SETBP1: variants seen among roughly 807,000 people sequenced by gnomAD.
SETBP1 encodes SET binding protein 1, also known as SET-binding protein.
SETBP1 carries 9 observed loss-of-function variants against 101.0 expected under a neutral mutation model. The ratio of observed to expected loss-of-function variants is 0.09; its 90% CI spans 0.05 to 0.16. The LOEUF (loss-of-function observed/expected upper bound fraction) is 0.16. Among genes scored for constraint, SETBP1 ranks in the 10% least tolerant of loss-of-function variants. The pLI is 1.00. For synonymous variants in SETBP1, 818 were observed against 788.5 expected (o/e 1.04, Z -0.63); for missense variants, 1,858 against 2,033.8 (o/e 0.91, Z 1.66).
intron 4 of SETBP1, among the ~76,000 whole-genome samples, chr18:45,013,524 C>G (rs935595586): frequency 6.6e-6 from 1 of 152,022 alleles, no homozygotes; most frequent in African/African-American, 2.4e-5. Context: ...ATCGCAACTT[C>G]TGCCTCCCGG....
At chr18:44,806,483 T>C (rs1253899293) in intron 2 of SETBP1, among the ~76,000 whole-genome samples, 1 of 152,152 alleles carries the variant, frequency 6.6e-6, no homozygotes. Flanking sequence ...GATATCTATA[T>C]ATTTATGTAC....
chr18:44,798,519 G>A (rs989743646), intron 2 of SETBP1, among the ~76,000 whole-genome samples: 2 of 152,122 alleles, frequency 1.3e-5, no homozygotes, highest in Admixed American at 6.5e-5. Flanking sequence ...TGAGGTATAG[G>A]AAGATACCCA....
chr18:44,692,813 A>G (rs2068956566), intron 1 of SETBP1, among the ~76,000 whole-genome samples: 2 of 152,188 alleles, frequency 1.3e-5, no homozygotes, highest in Non-Finnish European at 2.9e-5. Flanking sequence ...GGCCAGCTAA[A>G]CAGAGGACCT....
intron 2 of SETBP1, among the ~76,000 whole-genome samples, chr18:44,788,002 GTT>G (rs879795599): frequency 2.1e-5 from 3 of 144,696 alleles, no homozygotes; most frequent in Admixed American, 1.4e-4. Flanking sequence ...GTTTATTGGA[GTT>G]TTTTTTTTTT....
intron 2 of SETBP1, among the ~76,000 whole-genome samples, chr18:44,782,921 A>C (rs2071163199): frequency 6.6e-6 from 1 of 152,150 alleles, no homozygotes; most frequent in Admixed American, 6.5e-5. Context: ...TTTCTTAAAA[A>C]TTAATTTTTG....
intron 2 of SETBP1, among the ~76,000 whole-genome samples, chr18:44,762,592 T>C (rs909064564): frequency 1.3e-5 from 2 of 152,138 alleles, no homozygotes; most frequent in Admixed American, 6.5e-5. Flanking sequence ...AAAGGGAAGA[T>C]GTAATTATTT....
intron 4 of SETBP1, among the ~76,000 whole-genome samples, chr18:45,014,522 T>C (rs2072903521): frequency 6.6e-6 from 1 of 152,208 alleles, no homozygotes; most frequent in Admixed American, 6.5e-5. Flanking sequence ...TATGCTGTTG[T>C]TTAACTGGGA....
chr18:44,834,153 C>T (rs572122753), intron 2 of SETBP1, among the ~76,000 whole-genome samples: 5 of 150,992 alleles, frequency 3.3e-5, no homozygotes, highest in Admixed American at 1.3e-4. Context: ...GGTGTGGATC[C>T]GTTGTATATA....
chr18:44,789,691 T>A (rs1477740028), intron 2 of SETBP1, among the ~76,000 whole-genome samples: 2 of 152,236 alleles, frequency 1.3e-5, no homozygotes, highest in Admixed American at 1.3e-4. Flanking sequence ...TTTCTGATGA[T>A]TTTTCTGTCC....
At chr18:44,976,490 G>T (rs1231678571) in intron 4 of SETBP1, among the ~76,000 whole-genome samples, 5 of 152,226 alleles carry the variant, frequency 3.3e-5, no homozygotes, top group African/African-American at 1.2e-4. Flanking sequence ...CATCCGCCCT[G>T]CTGTGCCTAG....
intron 2 of SETBP1, among the ~76,000 whole-genome samples, chr18:44,762,180 CT>C (rs2070666640): frequency 6.7e-6 from 1 of 149,622 alleles, no homozygotes; most frequent in Non-Finnish European, 1.5e-5. Flanking sequence ...TTCCTGACTT[CT>C]TTTCCCAGTT....
intron 3 of SETBP1, among the ~76,000 whole-genome samples, chr18:44,888,056 C>A (rs981926447): frequency 1.3e-5 from 2 of 152,082 alleles, no homozygotes; most frequent in Non-Finnish European, 2.9e-5. Context: ...ATTAGAAGAG[C>A]AGTCAATCTC....
chr18:44,752,167 C>T (rs781082438), intron 2 of SETBP1, among the ~76,000 whole-genome samples: 13 of 152,220 alleles, frequency 8.5e-5, no homozygotes, highest in African/African-American at 1.4e-4. Flanking sequence ...GAACAATCCA[C>T]GTTTGTATAT....
At chr18:44,885,857 C>CAAAAAAAAAAAAAAAAA (rs1555696149) in intron 3 of SETBP1, among the ~76,000 whole-genome samples, 3 of 78,150 alleles carry the variant, frequency 3.8e-5, no homozygotes, top group African/African-American at 1.2e-4. Context: ...AAAAAAAAAA[C>CAAAAAAAAAAAAAAAAA]AAAAAAAAAA....
intron 4 of SETBP1, among the ~76,000 whole-genome samples, chr18:45,038,035 A>G (rs1470248673): frequency 1.3e-5 from 2 of 152,180 alleles, no homozygotes; most frequent in African/African-American, 4.8e-5. Flanking sequence ...ACAAGCCTGC[A>G]CGAGCTTGCT....
rs149344367 is a variant in SETBP1 at position 45,046,418 on chromosome 18, C to T, written c.4171+7763C>T. Among the ~76,000 whole-genome samples, 198 of 152,318 alleles carry T rather than the reference C, an allele frequency of 1.3e-3. 1 individual carries two copies. Among genetic ancestry groups the T allele is most frequent in the Admixed American group, 6.8e-3 (104 of 15,300 alleles). On this transcript the variant is annotated intron_variant, in intron 5 of 5. Transcript: ENST00000649279. ...GGAGCAACCTAGAACAACTTGGCAG[C>T]CCTCCAGCCTCCTTTGTTCATTAAT...
chr18:44,945,995 C>T lies in SETBP1; in HGVS notation c.541-3886C>T, dbSNP rs185677606. 8.9e-4 allele frequency among the ~76,000 whole-genome samples: 135 copies of T among 152,334 alleles called. No individual in the cohort carries two copies. The Middle Eastern group carries it at 0.01, about 12-fold the overall frequency. ...TCAGCAAAGGACATATTGGAAATGA[C>T]AGCCTCACTATTGTGAATATAATAT... On this transcript the variant is annotated intron_variant, in intron 3 of 5. Transcript: ENST00000649279.
chr18:44,934,069 C>G (rs1210261960), intron 3 of SETBP1, among the ~76,000 whole-genome samples: 9 of 152,096 alleles, frequency 5.9e-5, no homozygotes, highest in Admixed American at 3.3e-4. Context: ...TTGGAACCTC[C>G]TGTGATAACA....
At chr18:44,806,311 G>T (rs1193150337) in intron 2 of SETBP1, among the ~76,000 whole-genome samples, 1 of 152,082 alleles carries the variant, frequency 6.6e-6, no homozygotes, top group African/African-American at 2.4e-5. Flanking sequence ...TCTGCCACTG[G>T]CATATTTTAG....
Sources: allele counts gnomAD v4.1 joint callset (sites outside exome capture counted in the v4.1 genomes callset), GRCh38; gene constraint gnomAD v4.1.1; transcripts MANE v1.5; gene names NCBI Gene and HGNC (gene_info 2026-07-23, HGNC 2026-07-21).